The following ZNF717 variants were observed in gnomAD, a reference collection of about 807,000 sequenced individuals.
ZNF717 encodes zinc finger protein 717.
In ZNF717, 9 loss-of-function variants were observed where a neutral mutation model predicts 13.8. The observed-to-expected ratio is 0.65, with a 90% CI of 0.39 to 1.14. The LOEUF is 1.14. Among genes scored for constraint, ZNF717 ranks in the 50% most tolerant of loss-of-function variants. The pLI, the probability that ZNF717 is intolerant of heterozygous loss-of-function variation, is 0.01. For missense variants in ZNF717, 1,040 were observed against 1,080.7 expected (o/e 0.96, Z 0.53); for synonymous variants, 327 against 364.1 (o/e 0.90, Z 1.16).
intron 4 of ZNF717, 26 bp from the exon 5 acceptor site, chr3:75,739,371 GA>G: frequency 7.0e-7 from 1 of 1,428,118 alleles, no homozygotes; most frequent in Non-Finnish European, 9.1e-7. Context: ...AGGTATCCAT[GA>G]ACCACACATG....
intron 4 of ZNF717, among the ~76,000 whole-genome samples, chr3:75,740,161 T>C (rs370186836): frequency 1.8e-3 from 274 of 152,318 alleles, no homozygotes; most frequent in African/African-American, 5.9e-3. Context: ...ATTCACCATT[T>C]TTGAAGGGTT....
In ZNF717 at chr3:75,741,214, A is replaced by G. The variant is rs1940381725; in HGVS notation, c.277+62T>C. 1.0e-5 allele frequency: 10 copies of G among 988,076 alleles called. No homozygotes were observed. In the South Asian group the frequency reaches 1.4e-4, roughly 14 times the overall value. 61.2% of individuals were successfully genotyped at this position (988,076 alleles called of 1,614,324 possible). ...AAAAAAGTGGTGAAAACAAGATAAC[A>G]CTACAAAAATTTGCTGGGCATTACT... On this transcript the variant is annotated intron_variant, in intron 4 of 4. Coordinates refer to ENST00000652011, the MANE Select transcript of ZNF717 (RefSeq NM_001290208.3).
chr3:75,731,982 G>C, downstream of ZNF717: 1 of 688,790 alleles, frequency 1.5e-6, no homozygotes, highest in Non-Finnish European at 2.6e-6. Context: ...ATTGCTGAAG[G>C]TTCCATATGG....
At chr3:75,746,476 GAACT>G (rs1234492589) in intron 2 of ZNF717, among the ~76,000 whole-genome samples, 1 of 152,160 alleles carries the variant, frequency 6.6e-6, no homozygotes, top group Non-Finnish European at 1.5e-5. Flanking sequence ...CACAATGGTT[GAACT>G]ACTTTACAAT....
At chr3:75,754,994 A>T (rs958531016) in intron 2 of ZNF717, among the ~76,000 whole-genome samples, 1 of 152,248 alleles carries the variant, frequency 6.6e-6, no homozygotes, top group African/African-American at 2.4e-5. Context: ...TAAGAACTGA[A>T]TTCAACATTG....
At chr3:75,774,636 T>C (rs1292618455) in intron 2 of ZNF717, among the ~76,000 whole-genome samples, 20 of 119,958 alleles carry the variant, frequency 1.7e-4, no homozygotes, top group African/African-American at 3.1e-4. Context: ...TTTTTTTTTT[T>C]CTGAGACAGA....
intron 5 of ZNF717, among the ~76,000 whole-genome samples, chr3:75,715,431 C>T (rs111288762): frequency 6.6e-6 from 1 of 152,010 alleles, no homozygotes; most frequent in East Asian, 1.9e-4. Flanking sequence ...GCTAGACATA[C>T]CTTAGATTAT....
intron 2 of ZNF717, among the ~76,000 whole-genome samples, chr3:75,751,143 A>T (rs1941751789): frequency 6.6e-6 from 1 of 152,022 alleles, no homozygotes; most frequent in Non-Finnish European, 1.5e-5. Flanking sequence ...ATAGTATTCC[A>T]GAACACTGCT....
chr3:75,701,271 T>C (rs1937690260), intron 6 of ZNF717, among the ~76,000 whole-genome samples: 1 of 152,312 alleles, frequency 6.6e-6, no homozygotes, highest in Non-Finnish European at 1.5e-5. Flanking sequence ...TCTCGTCTGG[T>C]GTCATATAAG....
chr3:75,727,167 G>A (rs1227274560), downstream of ZNF717, among the ~76,000 whole-genome samples: 2 of 152,256 alleles, frequency 1.3e-5, no homozygotes, highest in Non-Finnish European at 2.9e-5. Context: ...ATCTTCATAA[G>A]CTGAGGATGT....
intron 2 of ZNF717, among the ~76,000 whole-genome samples, chr3:75,750,978 T>C (rs1257432683): frequency 6.6e-6 from 1 of 151,738 alleles, no homozygotes; most frequent in Non-Finnish European, 1.5e-5. Flanking sequence ...GTCTGAAAGT[T>C]TGTCCCTCAC....
chr3:75,720,409 C>G (rs914556383), intron 4 of ZNF717, among the ~76,000 whole-genome samples: 5 of 152,132 alleles, frequency 3.3e-5, no homozygotes, highest in Non-Finnish European at 5.9e-5. Flanking sequence ...ATCACAGGTT[C>G]TCACTTATAA....
chr3:75,722,016 G>A (rs1244269605), intron 4 of ZNF717, among the ~76,000 whole-genome samples: 18 of 151,836 alleles, frequency 1.2e-4, no homozygotes, highest in Non-Finnish European at 1.5e-5. Flanking sequence ...GGGAGGCCGA[G>A]GCAGGTGGAT....
chr3:75,723,248 CTT>C (rs112455865), intron 4 of ZNF717, among the ~76,000 whole-genome samples: 16 of 88,662 alleles, frequency 1.8e-4, no homozygotes, highest in South Asian at 8.1e-4. Context: ...GACAATCTCA[CTT>C]TTTTTTTTTT....
chr3:75,744,593 G>A (rs113696780), intron 2 of ZNF717, among the ~76,000 whole-genome samples: 1 of 152,128 alleles, frequency 6.6e-6, no homozygotes, highest in Admixed American at 6.6e-5. Context: ...CTGGTGAACG[G>A]CTGGAGGATC....
At chr3:75,767,607 A>T (rs3890035) in intron 2 of ZNF717, among the ~76,000 whole-genome samples, 6,301 of 152,144 alleles carry the variant, frequency 0.041, 229 homozygotes, top group African/African-American at 0.14. Flanking sequence ...ATGTCATTGG[A>T]AACTGGAGAA....
chr3:75,737,038 C>G lies in ZNF717; in HGVS notation c.2585G>C (p.Arg862Thr). 1 of 1,603,708 alleles carries G rather than the reference C, an allele frequency of 6.2e-7. No homozygotes were observed. Among genetic ancestry groups the G allele is most frequent in the Non-Finnish European group, 8.5e-7 (1 of 1,175,098 alleles). The change falls in exon 5 of 5, where the codon AGA (arginine) becomes ACA (threonine). Residue 862 changes from arginine (R) to threonine (T), a missense_variant. By Grantham distance (71) the Arg-to-Thr change is moderately conservative. Transcript: ENST00000652011. ...ATAAGGTTTTTCTCCTGTGTGTGTT[C>G]TCTGATGTATACTGAGGCCTGACTT... is the stretch of plus-strand genomic sequence containing the variant. ...SQKSGLSIHQ[R>T]THTGEKPYEC...
chr3:75,757,782 C>G (rs1244796858), intron 2 of ZNF717, among the ~76,000 whole-genome samples: 1 of 151,900 alleles, frequency 6.6e-6, no homozygotes, highest in Non-Finnish European at 1.5e-5. Flanking sequence ...CCATTGAGAA[C>G]ATTCATGATT....
At chr3:75,699,778 G>C (rs1420975909) in intron 6 of ZNF717, among the ~76,000 whole-genome samples, 2 of 152,310 alleles carry the variant, frequency 1.3e-5, no homozygotes, top group Non-Finnish European at 2.9e-5. Flanking sequence ...AAAACTATTA[G>C]AAGTAATAAC....
Sources: gnomAD v4.1 joint callset for allele counts (sites outside exome capture counted in the v4.1 genomes callset) on GRCh38, gnomAD v4.1.1 for gene constraint, MANE v1.5 for transcripts, NCBI Gene and HGNC (gene_info 2026-07-23, HGNC 2026-07-21) for gene names.